Variants in DDX4 observed in about 807,000 individuals in gnomAD.
DDX4 encodes the protein DEAD-box helicase 4, also known as probable ATP-dependent RNA helicase DDX4.
DDX4 carries 25 observed loss-of-function variants against 100.0 expected under a neutral mutation model. The observed-to-expected ratio is 0.25, with a 90% CI of 0.18 to 0.35. The LOEUF is 0.35. DDX4 is among the 10% of genes least tolerant of loss of function. DDX4 has a pLI of 1.00. For synonymous variants in DDX4, 259 were observed against 275.7 expected, an observed-to-expected ratio of 0.94 and a Z score of 0.60; for missense variants, 635 against 882.4, an observed-to-expected ratio of 0.72 and a Z score of 3.55.
rs1227796139 is a variant in DDX4 at position 55,794,354 on chromosome 5, AT to A, written c.1469+1564del. On this transcript the variant is annotated intron_variant, in intron 17 of 21. Transcript: ENST00000505374. ...AGGCGCCTGCCACCACGCCTGGTTA[AT>A]TTTTTTTTTTTTTTTTGTATTTTTA... is the stretch of plus-strand genomic sequence containing the variant. Among the ~76,000 whole-genome samples, 1,001 of 130,980 alleles carry A rather than the reference AT, an allele frequency of 7.6e-3. 2 individuals are homozygous for A. The highest frequency in any genetic ancestry group is 0.013 in the South Asian group (54 of 4,012). 85.9% of individuals were successfully genotyped at this position (130,980 alleles called of 152,430 possible).
chr5:55,758,688 C>G (rs1430251569), intron 3 of DDX4, among the ~76,000 whole-genome samples: 1 of 151,726 alleles, frequency 6.6e-6, no homozygotes, highest in Non-Finnish European at 1.5e-5. Flanking sequence ...AGTTGTCTTT[C>G]TGTTCTTTGA....
intron 7 of DDX4, among the ~76,000 whole-genome samples, chr5:55,779,100 G>A (rs1741751561): frequency 6.6e-6 from 1 of 152,128 alleles, no homozygotes; most frequent in Non-Finnish European, 1.5e-5. Context: ...AAAAACATGG[G>A]CTGCAAATAT....
In DDX4 at chr5:55,764,191, T is replaced by C. The variant is rs559364849; in HGVS notation, c.334+127T>C. The C allele has an allele frequency of 8.7e-6, 6 of 689,422 alleles. No homozygotes were observed. In the South Asian group the frequency reaches 1.1e-4, roughly 12 times the overall value. The allele number at this position is 689,422 out of a possible 1,614,324, so 42.7% of individuals were successfully genotyped here. ...TTTAAACCAGATTTTATGAAGTAGC[T>C]ATATCCAAAGCCTTAACCAAGGATA... On this transcript the variant is annotated intron_variant, in intron 6 of 21. Coordinates refer to ENST00000505374, the MANE Select transcript of DDX4 (RefSeq NM_024415.3).
At chr5:55,768,208 T>A (rs1417799573) in intron 7 of DDX4, 7 of 415,060 alleles carry the variant, frequency 1.7e-5, no homozygotes, top group African/African-American at 1.4e-4. Flanking sequence ...GGGGTTTTGG[T>A]GTACAGATTA....
chr5:55,806,664 G>A (rs1263800339), intron 18 of DDX4, among the ~76,000 whole-genome samples: 7 of 152,160 alleles, frequency 4.6e-5, no homozygotes, highest in Admixed American at 4.6e-4. Flanking sequence ...CTGAGTTCTA[G>A]TTTGATTGCA....
chr5:55,802,514 C>G (rs971652955), intron 18 of DDX4, among the ~76,000 whole-genome samples: 3 of 152,164 alleles, frequency 2.0e-5, no homozygotes, highest in Non-Finnish European at 2.9e-5. Flanking sequence ...TAGGGATCAG[C>G]TTGCATGATT....
chr5:55,812,160 T>G (rs1288740259), intron 18 of DDX4, among the ~76,000 whole-genome samples: 3 of 152,228 alleles, frequency 2.0e-5, no homozygotes, highest in Non-Finnish European at 1.5e-5. Context: ...TTTCTTTACT[T>G]TCTGAGATTT....
At chr5:55,810,165 C>A (rs1032814432) in intron 18 of DDX4, among the ~76,000 whole-genome samples, 1 of 151,918 alleles carries the variant, frequency 6.6e-6, no homozygotes, top group Non-Finnish European at 1.5e-5. Flanking sequence ...AGTGTGACTG[C>A]GTGATCTTGG....
At chr5:55,802,093 C>G (rs1030228317) in intron 18 of DDX4, among the ~76,000 whole-genome samples, 7 of 152,154 alleles carry the variant, frequency 4.6e-5, no homozygotes, top group African/African-American at 1.7e-4. Flanking sequence ...TCTGGTCCTA[C>G]CTACCATTCC....
chr5:55,797,641 G>T (rs1291186685), intron 17 of DDX4, among the ~76,000 whole-genome samples: 1 of 152,120 alleles, frequency 6.6e-6, no homozygotes, highest in Non-Finnish European at 1.5e-5. Context: ...AGGAGGGAGA[G>T]GCATTGAAGA....
chr5:55,788,257 T>C (rs1742357066), intron 15 of DDX4, among the ~76,000 whole-genome samples: 1 of 152,152 alleles, frequency 6.6e-6, no homozygotes, highest in African/African-American at 2.4e-5. Flanking sequence ...GGCAGACTGC[T>C]TGAGGCCAGG....
intron 4 of DDX4, among the ~76,000 whole-genome samples, chr5:55,761,112 A>C (rs189145636): frequency 1.9e-4 from 29 of 152,278 alleles, no homozygotes; most frequent in Non-Finnish European, 3.7e-4. Context: ...ATAAACACAA[A>C]TTTGAGTTTT....
intron 3 of DDX4, among the ~76,000 whole-genome samples, chr5:55,759,044 A>C (rs1760125178): frequency 6.6e-6 from 1 of 151,766 alleles, no homozygotes; most frequent in Non-Finnish European, 1.5e-5. Flanking sequence ...GTGCACCACC[A>C]CACCCAGCTA....
At chr5:55,758,943 C>A (rs1760117341) in intron 3 of DDX4, among the ~76,000 whole-genome samples, 1 of 145,192 alleles carries the variant, frequency 6.9e-6, no homozygotes, top group African/African-American at 2.6e-5. Context: ...GGCTGGAGTG[C>A]AGTGGTTTAA....
chr5:55,810,910 C>T (rs1744090422), intron 18 of DDX4, among the ~76,000 whole-genome samples: 1 of 152,094 alleles, frequency 6.6e-6, no homozygotes, highest in African/African-American at 2.4e-5. Context: ...AGTGACAAAA[C>T]ATTTAGAAGT....
intron 17 of DDX4, among the ~76,000 whole-genome samples, chr5:55,796,071 A>T (rs1339028067): frequency 6.6e-6 from 1 of 152,202 alleles, no homozygotes; most frequent in East Asian, 1.9e-4. Flanking sequence ...GAGCAGAAGC[A>T]AGCATCCAAC....
At chr5:55,798,595 T>A in intron 18 of DDX4, 24 bp downstream of exon 18, 1 of 1,555,042 alleles carries the variant, frequency 6.4e-7, no homozygotes, top group Non-Finnish European at 8.7e-7. Flanking sequence ...ATACATTTTT[T>A]TGTCATGATT....
intron 17 of DDX4, among the ~76,000 whole-genome samples, chr5:55,795,012 C>G (rs1742836907): frequency 2.0e-5 from 3 of 149,384 alleles, no homozygotes; most frequent in Non-Finnish European, 4.4e-5. Flanking sequence ...GTTGCCCAGG[C>G]TAGAGTACAA....
intron 7 of DDX4, among the ~76,000 whole-genome samples, chr5:55,776,622 A>G (rs573982941): frequency 1.3e-5 from 2 of 152,340 alleles, no homozygotes; most frequent in African/African-American, 2.4e-5. Context: ...AGCATAGTAT[A>G]TTCAGAATGC....
Sources: allele counts gnomAD v4.1 joint callset (sites outside exome capture counted in the v4.1 genomes callset), GRCh38; gene constraint gnomAD v4.1.1; transcripts MANE v1.5; gene names NCBI Gene and HGNC (gene_info 2026-07-23, HGNC 2026-07-21).